Variants in ANKRD26 observed in about 807,000 individuals in gnomAD.
ANKRD26 encodes ankyrin repeat domain 26, also known as ankyrin repeat domain-containing protein 26.
ANKRD26 carries 141 observed loss-of-function variants against 208.7 expected under a neutral mutation model. The observed-to-expected ratio is 0.68, with a 90% CI of 0.59 to 0.78. The LOEUF (loss-of-function observed/expected upper bound fraction) is 0.78. ANKRD26 is among the 30% of genes least tolerant of loss of function. The pLI, the probability that ANKRD26 is intolerant of heterozygous loss-of-function variation, is 0.00. For synonymous variants in ANKRD26, 636 were observed against 660.4 expected (o/e 0.96, Z 0.57); for missense variants, 1,889 against 1,938.7 (o/e 0.97, Z 0.48).
chr10:26,959,820 G>C, the ANKRD26 span, among the ~76,000 whole-genome samples: 1 of 152,040 alleles, frequency 6.6e-6, no homozygotes, highest in African/African-American at 2.4e-5. Context: ...AACGTTTGTG[G>C]ACAAAGGAAG....
chr10:27,018,441 G>A (rs561659345), intron 29 of ANKRD26, among the ~76,000 whole-genome samples: 9 of 151,814 alleles, frequency 5.9e-5, no homozygotes, highest in Admixed American at 2.0e-4. Flanking sequence ...GCCCCAACAT[G>A]CCCTATAATT....
At position 27,064,021 on chromosome 10, in the gene ANKRD26, T is replaced by C. The variant is rs755915196; in HGVS notation, c.1330A>G (p.Lys444Glu). ...VDPLAGAADG[K>E]EKNIGNEQAE... ...TGTTCATTTCCTATATTTTTTTCTTTTCCGTCTGCAGCCCCAGCTAAAGGA... is the reference window on the plus strand; with the variant it reads ...TGTTCATTTCCTATATTTTTTTCTTCTCCGTCTGCAGCCCCAGCTAAAGGA... Residue 444 changes from lysine to glutamate, a missense_variant, in exon 12 of 34, where the codon AAA (lysine) becomes GAA (glutamate). Lys to Glu is a moderately conservative substitution (Grantham distance 56). This residue lies in a region of ANKRD26 where 1,272 missense variants were observed against 1,273.8 expected (regional missense o/e 1.00). Coordinates refer to ENST00000376087, the MANE Select transcript of ANKRD26 (RefSeq NM_014915.3). 1.9e-6 allele frequency: 3 copies of C among 1,611,456 alleles called. 1 individual carries two copies. In the South Asian group the frequency reaches 3.3e-5, roughly 18 times the overall value.
At chr10:26,961,450 A>G in the ANKRD26 span, among the ~76,000 whole-genome samples, 2 of 152,200 alleles carry the variant, frequency 1.3e-5, no homozygotes, top group East Asian at 3.9e-4. Flanking sequence ...CCTATGTGAC[A>G]GGACTCGCTG....
chr10:26,964,389 C>T, the ANKRD26 span, among the ~76,000 whole-genome samples: 1 of 152,236 alleles, frequency 6.6e-6, no homozygotes, highest in East Asian at 1.9e-4. Context: ...ACATCCATAG[C>T]CACCTACCCT....
At chr10:26,977,273 G>C (rs1331226461) in intron 5 of ANKRD26, among the ~76,000 whole-genome samples, 1 of 152,164 alleles carries the variant, frequency 6.6e-6, no homozygotes, top group Non-Finnish European at 1.5e-5. Context: ...GGGTCAAATG[G>C]AGAAAAGGTC....
At chr10:27,061,703 C>T (rs77576937) in intron 12 of ANKRD26, among the ~76,000 whole-genome samples, 12,189 of 151,518 alleles carry the variant, frequency 0.08, 574 homozygotes, top group African/African-American at 0.13. Context: ...AACAGCCGAA[C>T]TACAGGCCCA....
intron 9 of ANKRD26, among the ~76,000 whole-genome samples, chr10:27,075,875 T>A (rs1025820475): frequency 5.9e-5 from 9 of 152,154 alleles, no homozygotes; most frequent in African/African-American, 1.9e-4. Flanking sequence ...TAATAAATTT[T>A]AAAAAACTGA....
At chr10:27,080,003 A>C (rs144079461) in intron 6 of ANKRD26, 3,863 of 348,510 alleles carry the variant, frequency 0.011, 34 homozygotes, top group Non-Finnish European at 0.016. Context: ...TAAAAATACA[A>C]AGAATTAGCT....
At chr10:26,957,626 G>A in the ANKRD26 span, among the ~76,000 whole-genome samples, 7 of 152,234 alleles carry the variant, frequency 4.6e-5, no homozygotes, top group African/African-American at 1.7e-4. Flanking sequence ...CGGAACATTG[G>A]ACCAATCATT....
intron 16 of ANKRD26, 122 bp downstream of exon 16, chr10:27,053,198 A>G (rs1356857239): frequency 9.9e-6 from 7 of 705,660 alleles, no homozygotes; most frequent in Non-Finnish European, 1.4e-5. Flanking sequence ...AATACTAAAT[A>G]TTAAATGATG....
chr10:27,049,080 A>G, intron 16 of ANKRD26, 101 bp from the exon 17 acceptor site: 1 of 993,712 alleles, frequency 1.0e-6, no homozygotes, highest in Non-Finnish European at 1.5e-6. Context: ...TAACTATGGT[A>G]ACTTTAGCCA....
Position 27,061,243 on chromosome 10 carries a change from C to T in ANKRD26, c.1364-1G>A. On this transcript the variant is annotated splice_acceptor_variant, in intron 12 of 33. Coordinates refer to ENST00000376087, the MANE Select transcript of ANKRD26 (RefSeq NM_014915.3). LOFTEE classifies it high-confidence loss of function. Reference sequence around the variant, plus strand: ...ATGCAAGAAGGTATATAAAACACATCTAAGAAATAATACATAATAAGCTTT... The same window carrying T: ...ATGCAAGAAGGTATATAAAACACATTTAAGAAATAATACATAATAAGCTTT... The T allele has an allele frequency of 6.4e-7, 1 of 1,571,636 alleles. No homozygotes were observed. Among genetic ancestry groups the T allele is most frequent in the Non-Finnish European group, 8.7e-7 (1 of 1,143,154 alleles).
At chr10:26,982,498 T>C (rs78379439) in intron 4 of ANKRD26, among the ~76,000 whole-genome samples, 7,102 of 152,132 alleles carry the variant, frequency 0.047, 284 homozygotes, top group Admixed American at 0.13. Flanking sequence ...TTTTCTTTTA[T>C]GAGCTGGTCC....
At chr10:27,031,171 G>C (rs1173826917) in intron 25 of ANKRD26, among the ~76,000 whole-genome samples, 1 of 152,196 alleles carries the variant, frequency 6.6e-6, no homozygotes, top group African/African-American at 2.4e-5. Flanking sequence ...CAGAGAGATG[G>C]TGAAAGCAGC....
chr10:27,038,274 G>A (rs1302640521), intron 21 of ANKRD26, among the ~76,000 whole-genome samples: 1 of 152,068 alleles, frequency 6.6e-6, no homozygotes, highest in African/African-American at 2.4e-5. Flanking sequence ...TCTGCTAACT[G>A]GTAAGTTTCT....
intron 1 of ANKRD26, among the ~76,000 whole-genome samples, chr10:27,099,673 G>C (rs2056584798): frequency 6.6e-6 from 1 of 152,158 alleles, no homozygotes. Context: ...GAGCCACCGC[G>C]CCTGACGAAT....
chr10:26,996,703 A>G (rs530943641), intron 4 of ANKRD26, among the ~76,000 whole-genome samples: 2 of 152,306 alleles, frequency 1.3e-5, no homozygotes, highest in South Asian at 4.2e-4. Context: ...AGGATACTAT[A>G]CAATGTTGGG....
At chr10:27,089,597 C>T (rs1292362843) in intron 4 of ANKRD26, among the ~76,000 whole-genome samples, 8 of 152,120 alleles carry the variant, frequency 5.3e-5, no homozygotes, top group Non-Finnish European at 1.2e-4. Flanking sequence ...TTTGAGACCA[C>T]CCTAAGCAAC....
chr10:26,950,286 G>GT, the ANKRD26 span, among the ~76,000 whole-genome samples: 15 of 152,192 alleles, frequency 9.9e-5, no homozygotes, highest in African/African-American at 3.1e-4. Context: ...CTGCTGCCAT[G>GT]TAAGATGTGC....
Sources: allele counts gnomAD v4.1 joint callset (sites outside exome capture counted in the v4.1 genomes callset), GRCh38; gene constraint gnomAD v4.1.1; regional missense constraint gnomAD v4.1.1; transcripts MANE v1.5; gene names NCBI Gene and HGNC (gene_info 2026-07-23, HGNC 2026-07-21).